The following TUFT1 variants were observed in gnomAD, a reference collection of about 807,000 sequenced individuals.
TUFT1 encodes the protein tuftelin.
A neutral mutation model predicts 57.8 loss-of-function variants in TUFT1; 43 were observed. That is an observed-to-expected ratio of 0.74 (90% confidence interval 0.58 to 0.96). The LOEUF (loss-of-function observed/expected upper bound fraction) is 0.96. Ranked by LOEUF, TUFT1 falls within the 40% of genes least tolerant of loss-of-function variation. TUFT1 has a pLI of 0.00. For synonymous variants in TUFT1, 166 were observed against 176.7 expected (o/e 0.94, Z 0.48); for missense variants, 459 against 489.0 (o/e 0.94, Z 0.58).
chr1:151,546,761 G>A (rs757716996), intron 1 of TUFT1, among the ~76,000 whole-genome samples: 12 of 152,214 alleles, frequency 7.9e-5, no homozygotes, highest in East Asian at 3.9e-4. Context: ...AACTGTGTTC[G>A]TCATGGATAA....
intron 1 of TUFT1, chr1:151,545,726 A>T: frequency 2.3e-6 from 1 of 439,122 alleles, no homozygotes; most frequent in Non-Finnish European, 4.9e-6. Flanking sequence ...TTCCTTGATG[A>T]TCCAGGTCCC....
Position 151,579,649 on chromosome 1 carries a change from C to G in TUFT1, c.925C>G (p.Leu309Val). The change falls in exon 11 of 13, where the codon CTC (leucine) becomes GTC (valine). Residue 309 changes from leucine to valine, a missense_variant and splice_region_variant. Physicochemically the swap from Leu to Val is conservative, Grantham distance 32. Transcript: ENST00000368849. ...TCCAGTGTCTCCCACACCTTTGCAG[C>G]TCCAGAATTCAAAAGCTGTGATCCA... ...QRKVRQMIEQ[L>V]QNSKAVIQSK... 6.2e-7 allele frequency: 1 copy of G among 1,613,884 alleles called. No homozygotes were observed. Among genetic ancestry groups the G allele is most frequent in the Non-Finnish European group, 8.5e-7 (1 of 1,179,920 alleles).
chr1:151,567,077 G>A (rs1317812398), intron 6 of TUFT1, among the ~76,000 whole-genome samples: 2 of 152,064 alleles, frequency 1.3e-5, no homozygotes, highest in Non-Finnish European at 2.9e-5. Context: ...GCGCCATTAT[G>A]CCTGGCTAAT....
rs777799642 is a variant in TUFT1, at chr1:151,575,000, A to G, written c.813A>G (p.Arg271=). The part of the protein sequence containing the change: ...RSNNADCQAE[R]EKAATLEKEV... ...ACAATGCTGACTGCCAAGCAGAACG[A>G]GAAAAGTAAGGGCTTGGCTCTTGTT... The change falls in exon 9 of 13, where the codon CGA becomes CGG. Residue 271 remains arginine (R), a synonymous_variant. Coordinates refer to ENST00000368849, the MANE Select transcript of TUFT1 (RefSeq NM_020127.3). The G allele has an allele frequency of 6.4e-7, 1 of 1,560,114 alleles. No homozygotes were observed. The highest frequency in any genetic ancestry group is 8.7e-7 in the Non-Finnish European group (1 of 1,151,520).
chr1:151,579,273 C>T (rs1288052020), intron 10 of TUFT1, among the ~76,000 whole-genome samples: 2 of 152,206 alleles, frequency 1.3e-5, no homozygotes, highest in Non-Finnish European at 2.9e-5. Flanking sequence ...GTATGTGCTT[C>T]ATGTCAGCTC....
chr1:151,572,857 G>A (rs1666301168), intron 7 of TUFT1, among the ~76,000 whole-genome samples: 1 of 152,182 alleles, frequency 6.6e-6, no homozygotes, highest in Non-Finnish European at 1.5e-5. Flanking sequence ...CTTGGGAGGG[G>A]CTGGACGAAC....
rs1666702720 is a variant in TUFT1, at chr1:151,583,363, C to T, written c.*1656C>T. On this transcript the variant is annotated 3_prime_UTR_variant, in exon 13 of 13. Coordinates refer to ENST00000368849, the MANE Select transcript of TUFT1 (RefSeq NM_020127.3). ...GTGTTTAGGCTCTATGTGGCTCACG[C>T]AGCCAGAATCCTTAAGTCTGTGTGT... 1 of 152,184 alleles carries T rather than the reference C, an allele frequency of 6.6e-6. No individual in the cohort carries two copies. Among genetic ancestry groups the T allele is most frequent in the Non-Finnish European group, 1.5e-5 (1 of 68,050 alleles). The allele number at this position is 152,184 out of a possible 1,614,324, so 9.4% of individuals were successfully genotyped here. A position where few individuals can be genotyped will look rare whatever the true frequency, so the allele number is the denominator to read the frequency against.
At chr1:151,558,375 T>C (rs1156903520) in intron 1 of TUFT1, among the ~76,000 whole-genome samples, 2 of 151,802 alleles carry the variant, frequency 1.3e-5, no homozygotes, top group Non-Finnish European at 2.9e-5. Flanking sequence ...CAAAGGTTAT[T>C]TTCTCTGCTT....
intron 1 of TUFT1, among the ~76,000 whole-genome samples, chr1:151,548,884 C>T (rs1665426675): frequency 1.3e-5 from 2 of 152,300 alleles, no homozygotes; most frequent in East Asian, 3.9e-4. Context: ...TTTCCCTATT[C>T]ACATGAGCCT....
chr1:151,563,264 A>G (rs1334756865), intron 3 of TUFT1, among the ~76,000 whole-genome samples: 1 of 152,116 alleles, frequency 6.6e-6, no homozygotes, highest in African/African-American at 2.4e-5. Flanking sequence ...GCTTTTTTAG[A>G]TATAAATCCC....
chr1:151,578,598 T>A, intron 9 of TUFT1, 123 bp from the exon 10 acceptor site: 1 of 745,694 alleles, frequency 1.3e-6, no homozygotes, highest in Non-Finnish European at 2.2e-6. Context: ...CAGAGCAGCC[T>A]ACCAGGGAAT....
rs1303063349 is a variant in TUFT1, at chr1:151,564,489, A to G, written c.325-36A>G. 5 of 1,540,960 alleles carry G rather than the reference A, an allele frequency of 3.2e-6. No homozygotes were observed. The Admixed American group carries it at 6.8e-5, about 21-fold the overall frequency. On this transcript the variant is annotated intron_variant, in intron 4 of 12. Transcript: ENST00000368849. The stretch of plus-strand genomic sequence containing the variant: ...GTGAGTTGGCATGCTCTCTTTCTCT[A>G]CCCTAAAGCTCAAGTTTCTTCCCCT...
intron 1 of TUFT1, chr1:151,557,832 T>G: frequency 1.3e-6 from 1 of 750,092 alleles, no homozygotes; most frequent in Non-Finnish European, 2.5e-6. Flanking sequence ...ACAGACGGAG[T>G]GCTGTGCCGC....
rs78802584 is a variant in TUFT1, at chr1:151,561,845, G to A, written c.61-246G>A. 4.7e-3 allele frequency: 6,895 copies of A among 1,473,388 alleles called. 320 individuals are homozygous for A. In the Admixed American group the frequency reaches 0.082, roughly 18 times the overall value. 91.3% of individuals were successfully genotyped at this position (1,473,388 alleles called of 1,614,324 possible). A position where few individuals can be genotyped will look rare whatever the true frequency, so the allele number is the denominator to read the frequency against. On this transcript the variant is annotated intron_variant, in intron 1 of 12. Coordinates refer to ENST00000368849, the MANE Select transcript of TUFT1 (RefSeq NM_020127.3). ...GGTAGCCCTGCTGGAGCTCTACAGA[G>A]CCATGTGCCAGGTAATCTTTGTTGT...
chr1:151,563,910 T>C lies in TUFT1; in HGVS notation c.244T>C (p.Leu82=), dbSNP rs778585968. Residue 82 remains leucine, a synonymous_variant, in exon 4 of 13, where the codon TTG becomes CTG. Transcript: ENST00000368849. ...DGHEEIIKVY[L]KGRSGDKMIH... ...AATGGTGTTCTTATTTCAGGTGTAC[T>C]TGAAGGGGAGGTCTGGAGACAAGAT... The C allele has an allele frequency of 6.2e-7, 1 of 1,614,062 alleles. No individual in the cohort carries two copies. Among genetic ancestry groups the C allele is most frequent in the Non-Finnish European group, 8.5e-7 (1 of 1,179,926 alleles).
At chr1:151,581,153 CTT>C in intron 12 of TUFT1, 111 bp downstream of exon 12, 1 of 1,006,776 alleles carries the variant, frequency 9.9e-7, no homozygotes, top group Non-Finnish European at 1.5e-6. Context: ...TTAAATCCAA[CTT>C]TCCTCCCTCA....
At chr1:151,551,843 T>A (rs1242832001) in intron 1 of TUFT1, among the ~76,000 whole-genome samples, 1 of 152,182 alleles carries the variant, frequency 6.6e-6, no homozygotes, top group South Asian at 2.1e-4. Flanking sequence ...TGACTTTTTG[T>A]TTTTAAAAAC....
chr1:151,545,814 A>G (rs1224679860), intron 1 of TUFT1: 4 of 532,962 alleles, frequency 7.5e-6, no homozygotes, highest in Admixed American at 3.9e-5. Context: ...AACCTTTGCT[A>G]GTCCTGACTC....
At chr1:151,557,005 G>A (rs1665721916) in intron 1 of TUFT1, among the ~76,000 whole-genome samples, 1 of 152,174 alleles carries the variant, frequency 6.6e-6, no homozygotes, top group Non-Finnish European at 1.5e-5. Flanking sequence ...GATTACAGAT[G>A]TGAGCTATGA....
Sources: gnomAD v4.1 joint callset for allele counts (sites outside exome capture counted in the v4.1 genomes callset) on GRCh38, gnomAD v4.1.1 for gene constraint, MANE v1.5 for transcripts, NCBI Gene and HGNC (gene_info 2026-07-23, HGNC 2026-07-21) for gene names.